The following TRAPPC9 variants were observed in gnomAD, a reference collection of about 807,000 sequenced individuals.
The protein encoded by TRAPPC9 is IKK2 binding protein.
Under a neutral mutation model 124.0 loss-of-function variants are expected in TRAPPC9, and 83 were observed. The ratio of observed to expected loss-of-function variants is 0.67; its 90% CI spans 0.56 to 0.80. The LOEUF is 0.80. Ranked by LOEUF, TRAPPC9 falls within the 30% of genes least tolerant of loss-of-function variation. The probability of loss-of-function intolerance (pLI) is 0.00; values close to 1 mark genes in which losing one functional copy is unlikely to be tolerated. For synonymous variants in TRAPPC9, 638 were observed against 617.5 expected (o/e 1.03, Z -0.49); for missense variants, 1,302 against 1,508.3 (o/e 0.86, Z 2.27).
At chr8:140,272,406 T>C in intron 15 of TRAPPC9, among the ~76,000 whole-genome samples, 2 of 139,738 alleles carry the variant, frequency 1.4e-5, no homozygotes, top group South Asian at 4.8e-4. Flanking sequence ...GCGATGGTGA[T>C]AATGGTGATG....
chr8:139,739,719 C>A (rs1396996979), intron 21 of TRAPPC9, among the ~76,000 whole-genome samples: 1 of 152,252 alleles, frequency 6.6e-6, no homozygotes. Flanking sequence ...TTCTCATGGC[C>A]CTGGCATCTG....
At chr8:140,433,905 A>C (rs1356780967) in intron 4 of TRAPPC9, among the ~76,000 whole-genome samples, 1 of 152,204 alleles carries the variant, frequency 6.6e-6, no homozygotes, top group African/African-American at 2.4e-5. Flanking sequence ...CCTTTTCTGC[A>C]TGGCAGGTGG....
At chr8:139,831,434 C>G (rs1454175703) in intron 21 of TRAPPC9, among the ~76,000 whole-genome samples, 1 of 152,186 alleles carries the variant, frequency 6.6e-6, no homozygotes, top group African/African-American at 2.4e-5. Flanking sequence ...TTCCCACGCA[C>G]TCACATGCAT....
At chr8:140,393,198 A>G (rs1588273240) in intron 7 of TRAPPC9, among the ~76,000 whole-genome samples, 2 of 152,036 alleles carry the variant, frequency 1.3e-5, no homozygotes, top group Admixed American at 1.3e-4. Flanking sequence ...CAGCCTCCCG[A>G]GTAGCTGGTA....
chr8:140,447,436 T>C (rs2071306495), intron 2 of TRAPPC9, among the ~76,000 whole-genome samples: 1 of 151,922 alleles, frequency 6.6e-6, no homozygotes, highest in Non-Finnish European at 1.5e-5. Flanking sequence ...CAGCCTACCT[T>C]TTCAGACCCA....
chr8:140,294,757 G>A lies in TRAPPC9; in HGVS notation c.1769-3679C>T, dbSNP rs185897173. 2.5e-3 allele frequency among the ~76,000 whole-genome samples: 323 copies of A among 128,350 alleles called. 8 individuals are homozygous for A. The highest frequency in any genetic ancestry group is 0.016 in the Admixed American group (215 of 13,636). The allele number at this position is 128,350 out of a possible 152,430, so 84.2% of individuals were successfully genotyped here. A position where few individuals can be genotyped will look rare whatever the true frequency, so the allele number is the denominator to read the frequency against. On this transcript the variant is annotated intron_variant, in intron 11 of 22. Transcript: ENST00000438773. ...CAAGTAGCTGGGACTACAGGTGTGC[G>A]CCACCATGCCCGGCTAAATTTGTTT...
chr8:140,083,408 G>A (rs1843973294), intron 17 of TRAPPC9, among the ~76,000 whole-genome samples: 2 of 152,162 alleles, frequency 1.3e-5, no homozygotes, highest in African/African-American at 2.4e-5. Context: ...GACGAACATT[G>A]AGTGGAATGG....
At chr8:140,446,745 G>C (rs953480071) in intron 2 of TRAPPC9, among the ~76,000 whole-genome samples, 1 of 152,012 alleles carries the variant, frequency 6.6e-6, no homozygotes, top group Non-Finnish European at 1.5e-5. Flanking sequence ...GGTACAGACA[G>C]GGTTTCACCA....
rs534644489 is a variant in TRAPPC9 at position 140,359,815 on chromosome 8, G to A, written c.1495+235C>T. Among the ~76,000 whole-genome samples the A allele has an allele frequency of 1.8e-4, 27 of 152,300 alleles. 1 individual carries two copies. The South Asian group carries it at 4.3e-3, about 25-fold the overall frequency. ...GAGGGAAAAGCCATGGAGTGTGGCG[G>A]CCGAGGAGCAGGAGGAGATGGCGTG... is the stretch of plus-strand genomic sequence containing the variant. On this transcript the variant is annotated intron_variant, in intron 9 of 22. Transcript: ENST00000438773.
At position 139,765,912 on chromosome 8, in the gene TRAPPC9, C is replaced by T. The variant is rs1428453389; in HGVS notation, c.3056-33710G>A. ...GCCAGGGCGGTGAGCTGGTGGCACA[C>T]GTAGGTAGGCTTCTCCCCCATCTGA... On this transcript the variant is annotated intron_variant, in intron 21 of 22. Transcript: ENST00000438773. 3.9e-5 allele frequency among the ~76,000 whole-genome samples: 6 copies of T among 152,300 alleles called. No individual in the cohort carries two copies. The East Asian group carries it at 5.8e-4, about 15-fold the overall frequency.
intron 5 of TRAPPC9, among the ~76,000 whole-genome samples, chr8:140,421,563 G>T (rs1352448085): frequency 2.0e-5 from 3 of 152,078 alleles, no homozygotes; most frequent in Admixed American, 6.6e-5. Flanking sequence ...AACAGATACT[G>T]TTGTCAAAAT....
intron 18 of TRAPPC9, among the ~76,000 whole-genome samples, chr8:140,000,618 A>C (rs1838328290): frequency 1.3e-5 from 2 of 152,278 alleles, no homozygotes; most frequent in South Asian, 4.1e-4. Flanking sequence ...TGCAGCCAAC[A>C]GACACATGAA....
intron 21 of TRAPPC9, among the ~76,000 whole-genome samples, chr8:139,756,078 G>T (rs554303638): frequency 8.7e-6 from 1 of 115,200 alleles, no homozygotes; most frequent in African/African-American, 4.2e-5. Flanking sequence ...GAGGAGCCAG[G>T]GTTTGGGGAT....
chr8:140,398,212 G>A (rs2069151725), intron 6 of TRAPPC9, among the ~76,000 whole-genome samples: 1 of 152,136 alleles, frequency 6.6e-6, no homozygotes. Context: ...CCCAGTCTCA[G>A]GTATGTCTTT....
chr8:140,077,206 A>T (rs1843562082), intron 17 of TRAPPC9, among the ~76,000 whole-genome samples: 1 of 152,144 alleles, frequency 6.6e-6, no homozygotes, highest in African/African-American at 2.4e-5. Context: ...ACAAAATATA[A>T]ATATAATACA....
chr8:139,784,646 A>AT (rs1290029459), intron 21 of TRAPPC9, among the ~76,000 whole-genome samples: 28 of 79,294 alleles, frequency 3.5e-4, no homozygotes, highest in Non-Finnish European at 4.7e-4. Flanking sequence ...TATATATATA[A>AT]ATCAACTGCA....
At chr8:139,946,823 T>TA (rs200035828) in intron 19 of TRAPPC9, among the ~76,000 whole-genome samples, 177 of 98,760 alleles carry the variant, frequency 1.8e-3, no homozygotes, top group African/African-American at 8.9e-3. Flanking sequence ...TGCTAAAAAT[T>TA]TAAAAAAAAA....
chr8:140,293,880 AAATTAATT>A (rs200497911), intron 11 of TRAPPC9, among the ~76,000 whole-genome samples: 3 of 152,012 alleles, frequency 2.0e-5, no homozygotes, highest in African/African-American at 7.2e-5. Flanking sequence ...ATAAAATTTA[AAATTAATT>A]AATTAATTAA....
intron 17 of TRAPPC9, among the ~76,000 whole-genome samples, chr8:140,128,063 A>T (rs2061130877): frequency 2.6e-5 from 4 of 152,286 alleles, no homozygotes; most frequent in Admixed American, 2.6e-4. Context: ...TTCAGCCAAA[A>T]ACAAAGACAG....
Sources: allele counts gnomAD v4.1 joint callset (sites outside exome capture counted in the v4.1 genomes callset), GRCh38; gene constraint gnomAD v4.1.1; transcripts MANE v1.5; gene names NCBI Gene and HGNC (gene_info 2026-07-23, HGNC 2026-07-21).